The following TEKT5 variants were observed in gnomAD, a reference collection of about 807,000 sequenced individuals.
The protein encoded by TEKT5 is tektin 5.
A neutral mutation model predicts 48.7 loss-of-function variants in TEKT5; 52 were observed. That is an observed-to-expected ratio of 1.07 (90% CI 0.86 to 1.35). TEKT5 has a LOEUF of 1.35. TEKT5 is among the 40% of genes most tolerant of loss of function. The probability of loss-of-function intolerance (pLI) is 0.00; values close to 1 mark genes in which losing one functional copy is unlikely to be tolerated. For synonymous variants in TEKT5, 318 were observed against 267.6 expected, an observed-to-expected ratio of 1.19 and a Z score of -1.84; for missense variants, 831 against 641.6, an observed-to-expected ratio of 1.30 and a Z score of -3.19.
At chr16:10,675,322 C>T (rs1171545433) in intron 5 of TEKT5, among the ~76,000 whole-genome samples, 1 of 152,100 alleles carries the variant, frequency 6.6e-6, no homozygotes, top group Non-Finnish European at 1.5e-5. Context: ...CATCTGGCAC[C>T]CAGTGGGAAT....
chr16:10,644,360 G>A (rs973475104), intron 5 of TEKT5, among the ~76,000 whole-genome samples: 13 of 152,162 alleles, frequency 8.5e-5, no homozygotes, highest in African/African-American at 2.9e-4. Flanking sequence ...AAACCCTAAA[G>A]TCATTTTTCT....
chr16:10,629,888 C>T (rs1360026403), intron 6 of TEKT5, among the ~76,000 whole-genome samples: 2 of 152,184 alleles, frequency 1.3e-5, no homozygotes, highest in Non-Finnish European at 2.9e-5. Context: ...ACTTCCTCAC[C>T]CCTCTCCTTC....
In TEKT5 at chr16:10,676,147, T is replaced by C; in HGVS notation, c.898A>G (p.Asn300Asp). 6.2e-7 allele frequency: 1 copy of C among 1,614,202 alleles called. No homozygotes were observed. Among genetic ancestry groups the C allele is most frequent in the Non-Finnish European group, 8.5e-7 (1 of 1,180,030 alleles). ...TTCTGAGAGTGTTTGATGTTGTCGT[T>C]ACTGAACTTGGCCCAGGTCTCAGGT... is the stretch of plus-strand genomic sequence containing the variant. ...SVPETWAKFS[N>D]DNIKHSQNMR... is the part of the protein sequence containing the mutation. The change falls in exon 5 of 7, where the codon AAC becomes GAC. Residue 300 changes from asparagine (N) to aspartate (D), a missense_variant. Coordinates refer to ENST00000283025, the MANE Select transcript of TEKT5 (RefSeq NM_144674.2).
At chr16:10,687,963 T>C (rs1324429733) in intron 3 of TEKT5, among the ~76,000 whole-genome samples, 3 of 152,250 alleles carry the variant, frequency 2.0e-5, no homozygotes, top group Non-Finnish European at 4.4e-5. Context: ...GCATTTATCA[T>C]TTCTTTGTGT....
chr16:10,651,104 C>A (rs1000269158), intron 5 of TEKT5, among the ~76,000 whole-genome samples: 7 of 152,144 alleles, frequency 4.6e-5, no homozygotes, highest in African/African-American at 1.7e-4. Flanking sequence ...TCATCCTGAG[C>A]AGGAGGGACA....
rs1041144431 is a variant in TEKT5 at position 10,633,241 on chromosome 16, A to G, written c.1241+2523T>C. On this transcript the variant is annotated intron_variant, in intron 6 of 6. Coordinates refer to ENST00000283025, the MANE Select transcript of TEKT5 (RefSeq NM_144674.2). ...CCGAGCATGGTGGCAGGCGAGTGTAATCCCAGCTACTCGGGAGGCTGAGGC... is the reference window on the plus strand; with the variant it reads ...CCGAGCATGGTGGCAGGCGAGTGTAGTCCCAGCTACTCGGGAGGCTGAGGC... Among the ~76,000 whole-genome samples, 9 of 152,130 alleles carry G rather than the reference A, an allele frequency of 5.9e-5. 1 individual carries two copies. The highest frequency in any genetic ancestry group is 1.7e-4 in the African/African-American group (7 of 41,406).
chr16:10,686,176 A>C (rs1898859079), intron 3 of TEKT5, among the ~76,000 whole-genome samples: 1 of 152,260 alleles, frequency 6.6e-6, no homozygotes, highest in African/African-American at 2.4e-5. Context: ...AAAGATGCCA[A>C]GAACATACAG....
intron 5 of TEKT5, among the ~76,000 whole-genome samples, chr16:10,671,470 T>C (rs185479087): frequency 6.6e-6 from 1 of 152,298 alleles, no homozygotes; most frequent in African/African-American, 2.4e-5. Flanking sequence ...AAGAAGGAAA[T>C]TCTGACACAT....
At chr16:10,682,172 C>T (rs758844167) in intron 3 of TEKT5, 36 bp from the exon 4 acceptor site, 2 of 1,605,862 alleles carry the variant, frequency 1.2e-6, no homozygotes, top group South Asian at 2.2e-5. Context: ...GGACTATGCA[C>T]CTGCACAGAG....
intron 5 of TEKT5, among the ~76,000 whole-genome samples, chr16:10,640,714 A>G (rs1187045300): frequency 6.8e-6 from 1 of 147,812 alleles, no homozygotes; most frequent in Non-Finnish European, 1.5e-5. Context: ...AGAATCTGAC[A>G]GTATATATAT....
At chr16:10,671,324 T>A (rs1362313799) in intron 5 of TEKT5, among the ~76,000 whole-genome samples, 1 of 152,164 alleles carries the variant, frequency 6.6e-6, no homozygotes, top group African/African-American at 2.4e-5. Context: ...CTACATTTGA[T>A]CCACCGTATG....
At chr16:10,654,305 C>A (rs1480318839) in intron 5 of TEKT5, among the ~76,000 whole-genome samples, 2 of 152,158 alleles carry the variant, frequency 1.3e-5, no homozygotes, top group African/African-American at 4.8e-5. Flanking sequence ...TCCACCTCAG[C>A]CTCCCAAAGT....
At chr16:10,634,103 C>T (rs953764318) in intron 6 of TEKT5, among the ~76,000 whole-genome samples, 1 of 152,178 alleles carries the variant, frequency 6.6e-6, no homozygotes, top group African/African-American at 2.4e-5. Context: ...GTGCTCCCTG[C>T]CCAGTGAAGC....
rs1474548043 is a variant in TEKT5, at chr16:10,649,591, T to C, written c.1087-13673A>G. On this transcript the variant is annotated intron_variant, in intron 5 of 6. Coordinates refer to ENST00000283025, the MANE Select transcript of TEKT5 (RefSeq NM_144674.2). Reference sequence around the variant, plus strand: ...CTAGGACTACAGACGTACACCACCATGCTTGGCTAGTTTTTGTATTTTTTT... The same window carrying C: ...CTAGGACTACAGACGTACACCACCACGCTTGGCTAGTTTTTGTATTTTTTT... 4.6e-5 allele frequency among the ~76,000 whole-genome samples: 7 copies of C among 151,534 alleles called. No homozygotes were observed. In the East Asian group the frequency reaches 1.4e-3, roughly 30 times the overall value.
In TEKT5 at chr16:10,694,329, T is replaced by C. The variant is rs1899034092; in HGVS notation, c.545A>G (p.Glu182Gly). Residue 182 changes from glutamate (E) to glycine (G), a missense_variant, in exon 1 of 7, where the codon GAG (glutamate) becomes GGG (glycine). Physicochemically the swap from Glu to Gly is moderately conservative, Grantham distance 98 (BLOSUM62 -2). Coordinates refer to ENST00000283025, the MANE Select transcript of TEKT5 (RefSeq NM_144674.2). ...ACTCACCTGCAATGGGCAGTTCACCTCATTGGCCGCGCACTCCAGCCGCCT... is the reference window on the plus strand; with the variant it reads ...ACTCACCTGCAATGGGCAGTTCACCCCATTGGCCGCGCACTCCAGCCGCCT... ...VKRRLECAAN[E>G]VNCPLQVALE... is the part of the protein sequence containing the mutation. 6.2e-7 allele frequency: 1 copy of C among 1,603,328 alleles called. No homozygotes were observed. The highest frequency in any genetic ancestry group is 8.5e-7 in the Non-Finnish European group (1 of 1,174,414).
intron 5 of TEKT5, among the ~76,000 whole-genome samples, chr16:10,669,440 C>A (rs1189417664): frequency 6.6e-6 from 1 of 152,030 alleles, no homozygotes; most frequent in African/African-American, 2.4e-5. Flanking sequence ...GCCTGGGCAA[C>A]AAAGAGAGAC....
intron 5 of TEKT5, among the ~76,000 whole-genome samples, chr16:10,673,646 A>ATTTTTTTTT (rs60322821): frequency 9.5e-6 from 1 of 105,772 alleles, no homozygotes. Context: ...CACCCATTCT[A>ATTTTTTTTT]TTTTTTTTTT....
At chr16:10,684,080 T>C (rs1898809798) in intron 3 of TEKT5, among the ~76,000 whole-genome samples, 1 of 141,500 alleles carries the variant, frequency 7.1e-6, no homozygotes, top group East Asian at 2.4e-4. Flanking sequence ...AGCCTGGACC[T>C]TTTTCTGTTT....
intron 4 of TEKT5, among the ~76,000 whole-genome samples, chr16:10,679,202 C>T (rs991225507): frequency 1.3e-5 from 2 of 152,126 alleles, no homozygotes; most frequent in African/African-American, 4.8e-5. Flanking sequence ...TGAGATGTTG[C>T]ATATGAAGCT....
Sources: allele counts gnomAD v4.1 joint callset (sites outside exome capture counted in the v4.1 genomes callset), GRCh38; gene constraint gnomAD v4.1.1; transcripts MANE v1.5; gene names NCBI Gene and HGNC (gene_info 2026-07-23, HGNC 2026-07-21).